CEP112: variants seen among roughly 807,000 people sequenced by gnomAD.
The protein encoded by CEP112 is centrosomal protein of 112 kDa.
In CEP112, 127 loss-of-function variants were observed where a neutral mutation model predicts 153.0. The observed-to-expected ratio is 0.83, with a 90% CI of 0.72 to 0.96. The LOEUF is 0.96. Ranked by LOEUF, CEP112 falls within the 40% of genes least tolerant of loss-of-function variation. The pLI is 0.00. For missense variants in CEP112, 1,089 were observed against 1,101.2 expected (o/e 0.99, Z 0.16); for synonymous variants, 358 against 374.4 (o/e 0.96, Z 0.51).
chr17:66,039,203 T>C (rs1402199378), intron 12 of CEP112, among the ~76,000 whole-genome samples: 1 of 152,204 alleles, frequency 6.6e-6, no homozygotes, highest in African/African-American at 2.4e-5. Context: ...AGTTAAGTCT[T>C]AGAAAATATA....
At chr17:65,909,603 C>T (rs1376701944) in intron 19 of CEP112, among the ~76,000 whole-genome samples, 1 of 152,170 alleles carries the variant, frequency 6.6e-6, no homozygotes, top group Non-Finnish European at 1.5e-5. Context: ...ATGCCTCATA[C>T]TGAACATACT....
At chr17:66,030,404 C>T (rs927535176) in intron 12 of CEP112, among the ~76,000 whole-genome samples, 2 of 151,994 alleles carry the variant, frequency 1.3e-5, no homozygotes, top group East Asian at 3.9e-4. Context: ...GTGATCTTTG[C>T]GTTTGATTTT....
intron 4 of CEP112, among the ~76,000 whole-genome samples, chr17:66,140,405 G>A (rs898669209): frequency 5.3e-5 from 8 of 152,106 alleles, no homozygotes; most frequent in Non-Finnish European, 7.4e-5. Flanking sequence ...CTATTAAATA[G>A]TACAGCAGTC....
At chr17:65,741,200 T>A (rs953149091) in intron 23 of CEP112, among the ~76,000 whole-genome samples, 6 of 152,068 alleles carry the variant, frequency 3.9e-5, no homozygotes, top group Non-Finnish European at 7.4e-5. Context: ...ATGAGATGAA[T>A]GAAAATGGCA....
At chr17:65,982,967 G>C (rs983310338) in intron 17 of CEP112, among the ~76,000 whole-genome samples, 4 of 152,096 alleles carry the variant, frequency 2.6e-5, no homozygotes, top group Non-Finnish European at 5.9e-5. Context: ...GGACACAAAA[G>C]GTCACATATT....
intron 16 of CEP112, among the ~76,000 whole-genome samples, chr17:66,010,639 C>A (rs866630040): frequency 1.3e-5 from 2 of 152,002 alleles, no homozygotes; most frequent in South Asian, 2.1e-4. Context: ...TCCTTTAATG[C>A]CTAGTTTGTT....
chr17:65,730,922 TACA>T (rs1439448253), intron 23 of CEP112, among the ~76,000 whole-genome samples: 3 of 152,044 alleles, frequency 2.0e-5, no homozygotes, highest in African/African-American at 4.8e-5. Context: ...GCAAAAATTT[TACA>T]ACATTTCTTC....
At chr17:65,721,126 C>T (rs1174557692) in intron 23 of CEP112, among the ~76,000 whole-genome samples, 6 of 151,732 alleles carry the variant, frequency 4.0e-5, no homozygotes, top group Admixed American at 3.9e-4. Context: ...ATTCTCCTGC[C>T]TCAGCCTCCA....
At chr17:66,063,681 A>T (rs1311435136) in intron 10 of CEP112, among the ~76,000 whole-genome samples, 2 of 152,132 alleles carry the variant, frequency 1.3e-5, no homozygotes, top group African/African-American at 4.8e-5. Context: ...GAGGCCTTTC[A>T]CTGGTGCAAA....
intron 23 of CEP112, among the ~76,000 whole-genome samples, chr17:65,735,388 T>C (rs1295535592): frequency 6.6e-6 from 1 of 152,176 alleles, no homozygotes; most frequent in African/African-American, 2.4e-5. Context: ...TACTTCAGTA[T>C]GCAGCAGAAG....
At chr17:65,880,792 T>C (rs2059034731) in intron 20 of CEP112, among the ~76,000 whole-genome samples, 1 of 152,216 alleles carries the variant, frequency 6.6e-6, no homozygotes, top group South Asian at 2.1e-4. Context: ...GTTAAACGTC[T>C]GAATGTTTTT....
chr17:65,742,995 G>A, intron 23 of CEP112, 73 bp downstream of exon 23: 1 of 1,255,170 alleles, frequency 8.0e-7, no homozygotes, highest in South Asian at 1.6e-5. Context: ...TCTGCCCACT[G>A]CTGGGATTTC....
At chr17:65,900,589 A>C (rs1282900484) in intron 20 of CEP112, among the ~76,000 whole-genome samples, 2 of 152,170 alleles carry the variant, frequency 1.3e-5, no homozygotes, top group Admixed American at 6.5e-5. Flanking sequence ...AATAATAGGA[A>C]GTTATGCAAA....
At chr17:65,720,156 G>A (rs1008555992) in intron 23 of CEP112, among the ~76,000 whole-genome samples, 6 of 152,290 alleles carry the variant, frequency 3.9e-5, no homozygotes, top group East Asian at 1.9e-4. Context: ...ACACAGGAAC[G>A]GCAGCAGCAG....
chr17:65,711,027 T>G (rs1199455694), intron 23 of CEP112, among the ~76,000 whole-genome samples: 2 of 152,190 alleles, frequency 1.3e-5, no homozygotes, highest in Non-Finnish European at 2.9e-5. Context: ...CATGGCTCGT[T>G]GGTGGCGACG....
chr17:65,917,605 G>T (rs1019374547), intron 19 of CEP112, among the ~76,000 whole-genome samples: 1 of 152,024 alleles, frequency 6.6e-6, no homozygotes, highest in African/African-American at 2.4e-5. Flanking sequence ...AAATGATTTT[G>T]CCGCCTATCT....
intron 6 of CEP112, among the ~76,000 whole-genome samples, chr17:66,127,016 G>T (rs140986839): frequency 3.9e-5 from 6 of 152,212 alleles, no homozygotes; most frequent in African/African-American, 7.2e-5. Flanking sequence ...TATTTAAAGA[G>T]ATATTGCTCA....
rs563899890 is a variant in CEP112, at chr17:66,011,664, T to C, written c.1657-5895A>G. Among the ~76,000 whole-genome samples, 10 of 152,308 alleles carry C rather than the reference T, an allele frequency of 6.6e-5. No individual in the cohort carries two copies. In the East Asian group the frequency reaches 9.6e-4, roughly 15 times the overall value. On this transcript the variant is annotated intron_variant, in intron 16 of 26. Transcript: ENST00000535342. ...GTGCTTGGTTTTAGAGTATGTGCCA[T>C]GTGCAGATGAGAAGAATATATATTC... is the stretch of plus-strand genomic sequence containing the variant.
chr17:65,735,769 T>C lies in CEP112; in HGVS notation c.2607+7299A>G, dbSNP rs551624615. Among the ~76,000 whole-genome samples the C allele has an allele frequency of 9.8e-5, 15 of 152,348 alleles. No individual in the cohort carries two copies. In the South Asian group the frequency reaches 3.1e-3, roughly 32 times the overall value. On this transcript the variant is annotated intron_variant, in intron 23 of 26. Coordinates refer to ENST00000535342, the MANE Select transcript of CEP112 (RefSeq NM_001199165.4). ...ACTGCTTCTATATCATCTATGCAAGTATCAATATAGTAAAAATGGAAAGTG... is the reference window on the plus strand; with the variant it reads ...ACTGCTTCTATATCATCTATGCAAGCATCAATATAGTAAAAATGGAAAGTG...
Sources: gnomAD v4.1 joint callset for allele counts (sites outside exome capture counted in the v4.1 genomes callset) on GRCh38, gnomAD v4.1.1 for gene constraint, MANE v1.5 for transcripts, NCBI Gene and HGNC (gene_info 2026-07-23, HGNC 2026-07-21) for gene names.